Variants in SLIT2 observed in about 807,000 individuals in gnomAD.
The protein encoded by SLIT2 is slit guidance ligand 2.
In SLIT2, 41 loss-of-function variants were observed where a neutral mutation model predicts 185.7. The observed-to-expected ratio is 0.22, with a 90% CI of 0.17 to 0.29. The LOEUF is 0.29. Among genes scored for constraint, SLIT2 ranks in the 10% least tolerant of loss-of-function variants. The probability of loss-of-function intolerance (pLI) is 1.00; values close to 1 mark genes in which losing one functional copy is unlikely to be tolerated. For missense variants in SLIT2, 1,571 were observed against 1,909.0 expected, an observed-to-expected ratio of 0.82 and a Z score of 3.30; for synonymous variants, 693 against 680.2, an observed-to-expected ratio of 1.02 and a Z score of -0.29.
chr4:20,354,879 A>G (rs1722180432), intron 4 of SLIT2, among the ~76,000 whole-genome samples: 1 of 127,272 alleles, frequency 7.9e-6, no homozygotes, highest in Admixed American at 8.5e-5. Context: ...CACGTGTGGC[A>G]AGTCTGCGTG....
In SLIT2 at chr4:20,520,734, A is replaced by G. The variant is rs184320312; in HGVS notation, c.1130+1281A>G. The stretch of plus-strand genomic sequence containing the variant: ...AAACAAATGAAACAAAATGTTAATG[A>G]AACAATAATGAACCTTATTATATGT... On this transcript the variant is annotated intron_variant, in intron 12 of 36. Transcript: ENST00000504154. 1.5e-4 allele frequency among the ~76,000 whole-genome samples: 23 copies of G among 152,324 alleles called. 1 individual carries two copies. The highest frequency in any genetic ancestry group is 5.3e-4 in the African/African-American group (22 of 41,572).
Position 20,592,268 on chromosome 4 carries a change from A to G in SLIT2, c.3182+2531A>G, listed in dbSNP as rs77769089. On this transcript the variant is annotated intron_variant, in intron 30 of 36. Transcript: ENST00000504154. Reference sequence around the variant, plus strand: ...TATTATATACCTCATAAATCTCCCAAATTGCTTTGAGATATTTTTAGACTA... The same window carrying G: ...TATTATATACCTCATAAATCTCCCAGATTGCTTTGAGATATTTTTAGACTA... Among the ~76,000 whole-genome samples, 986 of 152,246 alleles carry G rather than the reference A, an allele frequency of 6.5e-3. 16 individuals carry two copies. Among genetic ancestry groups the G allele is most frequent in the African/African-American group, 0.023 (939 of 41,546 alleles).
chr4:20,451,448 T>A (rs548724349), intron 4 of SLIT2, among the ~76,000 whole-genome samples: 2 of 152,230 alleles, frequency 1.3e-5, no homozygotes, highest in Non-Finnish European at 2.9e-5. Flanking sequence ...AAAGGCTATA[T>A]TGAATTCTTT....
At chr4:20,609,377 A>C (rs555817751) in intron 33 of SLIT2, among the ~76,000 whole-genome samples, 5 of 152,300 alleles carry the variant, frequency 3.3e-5, no homozygotes, top group Admixed American at 3.3e-4. Flanking sequence ...ATTTTATTTA[A>C]TCTGTTATTC....
At chr4:20,392,311 T>C (rs1338912685) in intron 4 of SLIT2, 1 of 151,992 alleles carries the variant, frequency 6.6e-6, no homozygotes, top group African/African-American at 2.4e-5. Flanking sequence ...AAAGGTACAG[T>C]GAAAATATGG....
intron 4 of SLIT2, among the ~76,000 whole-genome samples, chr4:20,350,189 T>G (rs78316800): frequency 0.019 from 2,850 of 152,264 alleles, 120 homozygotes; most frequent in East Asian, 0.078. Flanking sequence ...GATAGCTCAA[T>G]TAATAAGCAC....
chr4:20,497,781 C>T (rs771026600), intron 9 of SLIT2, among the ~76,000 whole-genome samples: 1 of 152,038 alleles, frequency 6.6e-6, no homozygotes, highest in Non-Finnish European at 1.5e-5. Flanking sequence ...CTTAGCATAC[C>T]ATGGGTGGGG....
rs1726197046 is a variant in SLIT2, at chr4:20,577,746, G to A, written c.3088+8742G>A. On this transcript the variant is annotated intron_variant, in intron 29 of 36. Transcript: ENST00000504154. ...CTCTGCCACACTGCATGGTCTGTAG[G>A]AGTAGAGAGAATGTTTCTGTTTCTA... is the stretch of plus-strand genomic sequence containing the variant. 1.3e-5 allele frequency among the ~76,000 whole-genome samples: 2 copies of A among 152,198 alleles called. 1 individual carries two copies. Among genetic ancestry groups the A allele is most frequent in the Admixed American group, 1.3e-4 (2 of 15,274 alleles).
At chr4:20,255,061 G>A in intron 1 of SLIT2, 2 of 456,278 alleles carry the variant, frequency 4.4e-6, no homozygotes, top group Non-Finnish European at 8.8e-6. Flanking sequence ...CCCCGCGCCA[G>A]TCCGGCCGCC....
At chr4:20,457,460 T>C (rs1043706483) in intron 4 of SLIT2, among the ~76,000 whole-genome samples, 51 of 151,948 alleles carry the variant, frequency 3.4e-4, no homozygotes, top group African/African-American at 1.2e-3. Flanking sequence ...GAGAGAAGCA[T>C]GTGCAAACCC....
intron 4 of SLIT2, among the ~76,000 whole-genome samples, chr4:20,343,352 C>T (rs191731438): frequency 2.5e-4 from 38 of 152,228 alleles, no homozygotes; most frequent in East Asian, 7.7e-4. Context: ...TTTCACTTGA[C>T]GTAATGATCT....
At position 20,548,017 on chromosome 4, in the gene SLIT2, A is replaced by G. The variant is rs78727484; in HGVS notation, c.2346-471A>G. Among the ~76,000 whole-genome samples the G allele has an allele frequency of 2.5e-4, 38 of 152,210 alleles. No homozygotes were observed. The East Asian group carries it at 7.4e-3, about 30-fold the overall frequency. On this transcript the variant is annotated intron_variant, in intron 22 of 36. Transcript: ENST00000504154. ...TCAGTGATCAAATTTGAGTCTGTGT[A>G]TCAGTGAACATATGTATCAATGAGG...
intron 4 of SLIT2, among the ~76,000 whole-genome samples, chr4:20,451,558 A>G (rs1365687204): frequency 6.6e-6 from 1 of 152,222 alleles, no homozygotes; most frequent in Non-Finnish European, 1.5e-5. Context: ...TGTTGGAGTT[A>G]TTTCATCAGT....
intron 4 of SLIT2, among the ~76,000 whole-genome samples, chr4:20,455,092 G>A (rs993126169): frequency 6.6e-6 from 1 of 152,062 alleles, no homozygotes; most frequent in Admixed American, 6.6e-5. Flanking sequence ...TCTGTTATTA[G>A]CATGGATACA....
At chr4:20,310,864 G>T (rs1362586051) in intron 4 of SLIT2, among the ~76,000 whole-genome samples, 1 of 152,106 alleles carries the variant, frequency 6.6e-6, no homozygotes, top group Non-Finnish European at 1.5e-5. Flanking sequence ...TGGATGAACT[G>T]AACTCAATTT....
Position 20,620,386 on chromosome 4 carries a change from C to T in SLIT2, c.*1377C>T, listed in dbSNP as rs139995472. The T allele has an allele frequency of 7.2e-3, 3,280 of 454,958 alleles. 84 individuals carry two copies. Among genetic ancestry groups the T allele is most frequent in the South Asian group, 0.041 (2,628 of 64,062 alleles). The allele number at this position is 454,958 out of a possible 1,614,324, so 28.2% of individuals were successfully genotyped here. A position where few individuals can be genotyped will look rare whatever the true frequency, so the allele number is the denominator to read the frequency against. ...ATGGTTTATAGTGAACTGTGCTCTT[C>T]CCTCATTAAAATCCCAGGGTGCCCT... is the stretch of plus-strand genomic sequence containing the variant. On this transcript the variant is annotated 3_prime_UTR_variant, in exon 37 of 37. Coordinates refer to ENST00000504154, the MANE Select transcript of SLIT2 (RefSeq NM_004787.4).
intron 4 of SLIT2, among the ~76,000 whole-genome samples, chr4:20,357,986 T>C (rs1046119667): frequency 2.6e-5 from 4 of 152,162 alleles, no homozygotes; most frequent in African/African-American, 9.7e-5. Context: ...TATGTGGATT[T>C]TAATTGTTAC....
At chr4:20,458,106 A>G (rs1713291179) in intron 4 of SLIT2, among the ~76,000 whole-genome samples, 2 of 148,662 alleles carry the variant, frequency 1.3e-5, no homozygotes, top group Non-Finnish European at 3.0e-5. Context: ...AAAAAAAAAA[A>G]GAGGTTTTAG....
intron 29 of SLIT2, among the ~76,000 whole-genome samples, chr4:20,579,902 A>T (rs945911789): frequency 1.3e-5 from 2 of 149,694 alleles, no homozygotes; most frequent in African/African-American, 4.9e-5. Flanking sequence ...TTTTAAAGAA[A>T]AAGTACATTT....
Sources: allele counts gnomAD v4.1 joint callset (sites outside exome capture counted in the v4.1 genomes callset), GRCh38; gene constraint gnomAD v4.1.1; transcripts MANE v1.5; gene names NCBI Gene and HGNC (gene_info 2026-07-23, HGNC 2026-07-21).